Variants in COL19A1 observed in about 807,000 individuals in gnomAD.
COL19A1 encodes the protein collagen type XIX alpha 1 chain.
In COL19A1, 159 loss-of-function variants were observed where a neutral mutation model predicts 190.2. The observed-to-expected ratio is 0.84, with a 90% CI of 0.73 to 0.95. The LOEUF (loss-of-function observed/expected upper bound fraction) is 0.95, where lower values mean the gene tolerates loss of function less well. Among genes scored for constraint, COL19A1 ranks in the 40% least tolerant of loss-of-function variants. COL19A1 has a pLI of 0.00. For synonymous variants in COL19A1, 509 were observed against 458.9 expected, an observed-to-expected ratio of 1.11 and a Z score of -1.39; for missense variants, 1,418 against 1,431.9, an observed-to-expected ratio of 0.99 and a Z score of 0.16.
intron 11 of COL19A1, among the ~76,000 whole-genome samples, chr6:70,021,676 A>T (rs933346054): frequency 6.6e-6 from 1 of 152,164 alleles, no homozygotes; most frequent in African/African-American, 2.4e-5. Context: ...TGTCCAATGG[A>T]TGGAATTTAT....
At chr6:69,942,601 T>C (rs1773542587) in intron 9 of COL19A1, among the ~76,000 whole-genome samples, 1 of 150,220 alleles carries the variant, frequency 6.7e-6, no homozygotes, top group African/African-American at 2.4e-5. Context: ...AACTTCTACA[T>C]ATAAAGGAGA....
intron 11 of COL19A1, among the ~76,000 whole-genome samples, chr6:69,968,163 C>T (rs1392606370): frequency 1.3e-5 from 2 of 152,100 alleles, no homozygotes; most frequent in African/African-American, 2.4e-5. Flanking sequence ...CTTTTGCCTT[C>T]AGTGGTTACT....
chr6:69,973,328 T>C (rs965528625), intron 11 of COL19A1, among the ~76,000 whole-genome samples: 1 of 152,206 alleles, frequency 6.6e-6, no homozygotes, highest in African/African-American at 2.4e-5. Flanking sequence ...TCTGCTGGGC[T>C]CCTTGTCCTC....
chr6:70,168,282 A>G (rs1583072456), intron 39 of COL19A1, 67 bp downstream of exon 39: 1 of 1,533,390 alleles, frequency 6.5e-7, no homozygotes, highest in East Asian at 2.3e-5. Context: ...CAAACAATAA[A>G]AACCTCTTAA....
At chr6:70,043,547 A>G (rs573813983) in intron 14 of COL19A1, among the ~76,000 whole-genome samples, 1 of 152,314 alleles carries the variant, frequency 6.6e-6, no homozygotes, top group African/African-American at 2.4e-5. Context: ...TCCTTCACCC[A>G]TGGGCTGAAG....
At chr6:70,018,060 A>G (rs1273878494) in intron 11 of COL19A1, among the ~76,000 whole-genome samples, 8 of 152,150 alleles carry the variant, frequency 5.3e-5, no homozygotes, top group Non-Finnish European at 1.5e-5. Context: ...ATTCAACAGC[A>G]TGTTTCAGTG....
intron 11 of COL19A1, among the ~76,000 whole-genome samples, chr6:69,966,510 A>G (rs1775114702): frequency 6.6e-6 from 1 of 152,164 alleles, no homozygotes; most frequent in Non-Finnish European, 1.5e-5. Context: ...GTGTCCACTA[A>G]GGGTTAAATG....
chr6:69,891,679 G>C (rs1769362815), intron 2 of COL19A1, among the ~76,000 whole-genome samples: 1 of 152,206 alleles, frequency 6.6e-6, no homozygotes, highest in Non-Finnish European at 1.5e-5. Context: ...GAAGGACCTA[G>C]AGAATAGGAA....
intron 2 of COL19A1, among the ~76,000 whole-genome samples, chr6:69,883,439 A>G (rs569665563): frequency 6.6e-5 from 10 of 152,290 alleles, no homozygotes; most frequent in African/African-American, 2.4e-4. Context: ...TATGCCCCTC[A>G]TTACCTCTTG....
intron 1 of COL19A1, among the ~76,000 whole-genome samples, chr6:69,875,362 T>C (rs1473323122): frequency 6.6e-6 from 1 of 152,140 alleles, no homozygotes; most frequent in Non-Finnish European, 1.5e-5. Flanking sequence ...TGGGAAGCCA[T>C]TAAAAAGCTT....
At chr6:70,161,412 T>C (rs1480862277) in intron 34 of COL19A1, among the ~76,000 whole-genome samples, 4 of 152,186 alleles carry the variant, frequency 2.6e-5, no homozygotes, top group Non-Finnish European at 4.4e-5. Flanking sequence ...ATCACCAGAT[T>C]AAATTATGTT....
intron 15 of COL19A1, among the ~76,000 whole-genome samples, chr6:70,094,335 T>A (rs1400642587): frequency 6.6e-6 from 1 of 152,346 alleles, no homozygotes; most frequent in East Asian, 1.9e-4. Context: ...GTCAAGGCCC[T>A]GTCTCCTCTT....
chr6:69,879,036 G>A (rs1222076585), intron 1 of COL19A1, among the ~76,000 whole-genome samples: 2 of 152,204 alleles, frequency 1.3e-5, no homozygotes, highest in Non-Finnish European at 2.9e-5. Flanking sequence ...GCTGCTTGGA[G>A]TTGGGGGAGA....
chr6:69,958,867 CT>C lies in COL19A1; in HGVS notation c.937-1123del, dbSNP rs201811319. Among the ~76,000 whole-genome samples the C allele has an allele frequency of 8.2e-3, 1,246 of 152,146 alleles. 19 individuals are homozygous for C. The highest frequency in any genetic ancestry group is 0.026 in the African/African-American group (1,071 of 41,508). On this transcript the variant is annotated intron_variant, in intron 9 of 50. Transcript: ENST00000620364. The stretch of plus-strand genomic sequence containing the variant: ...GCTATTTTAAAGTTTAAAGATGTGA[CT>C]TTTTTCTTCATAGATTTTGAATTTT...
chr6:70,035,928 C>A lies in COL19A1; in HGVS notation c.1159C>A (p.Pro387Thr). The change falls in exon 14 of 51, where the codon CCA becomes ACA. Residue 387 changes from proline to threonine, a missense_variant. Coordinates refer to ENST00000620364, the MANE Select transcript of COL19A1 (RefSeq NM_001858.6). ...GGGAGATACAGGACCCCCAGGACCA[C>A]CAGCCTTACCTGTAAGTATTCTTGA... ...EKGDTGPPGP[P>T]ALPGSLGIQG... 6.2e-7 allele frequency: 1 copy of A among 1,613,426 alleles called. No homozygotes were observed. Among genetic ancestry groups the A allele is most frequent in the Non-Finnish European group, 8.5e-7 (1 of 1,179,464 alleles).
At chr6:70,054,772 A>G (rs143059328) in intron 14 of COL19A1, among the ~76,000 whole-genome samples, 1 of 152,304 alleles carries the variant, frequency 6.6e-6, no homozygotes, top group Admixed American at 6.5e-5. Flanking sequence ...GACTACTGTG[A>G]CAATGTAAAT....
At chr6:70,102,638 T>C (rs554349203) in intron 16 of COL19A1, among the ~76,000 whole-genome samples, 2 of 152,316 alleles carry the variant, frequency 1.3e-5, no homozygotes, top group Non-Finnish European at 2.9e-5. Flanking sequence ...GAAACTATTT[T>C]GTTAGTATAA....
At chr6:69,968,547 T>C (rs1412537655) in intron 11 of COL19A1, among the ~76,000 whole-genome samples, 1 of 152,172 alleles carries the variant, frequency 6.6e-6, no homozygotes, top group Non-Finnish European at 1.5e-5. Flanking sequence ...TTCTAAAATA[T>C]TGACTTCTAG....
At chr6:70,082,814 A>T (rs1023819079) in intron 15 of COL19A1, among the ~76,000 whole-genome samples, 8 of 152,194 alleles carry the variant, frequency 5.3e-5, no homozygotes, top group Non-Finnish European at 1.0e-4. Context: ...CTGGGGTTGA[A>T]GATAGGGTTT....
Sources: allele counts gnomAD v4.1 joint callset (sites outside exome capture counted in the v4.1 genomes callset), GRCh38; gene constraint gnomAD v4.1.1; transcripts MANE v1.5; gene names NCBI Gene and HGNC (gene_info 2026-07-23, HGNC 2026-07-21).